The following KLF15 variants were observed in gnomAD, a reference collection of about 807,000 sequenced individuals.
The protein encoded by KLF15 is Krueppel-like factor 15.
Under a neutral mutation model 24.6 loss-of-function variants are expected in KLF15, and 4 were observed. That is an observed-to-expected ratio of 0.16 (90% CI 0.08 to 0.37). The LOEUF (loss-of-function observed/expected upper bound fraction) is 0.37, where lower values mean the gene tolerates loss of function less well. Ranked by LOEUF, KLF15 falls within the 10% of genes least tolerant of loss-of-function variation. The pLI is 1.00. For missense variants in KLF15, 496 were observed against 560.6 expected (o/e 0.88, Z 1.16); for synonymous variants, 246 against 236.3 (o/e 1.04, Z -0.37).
intron 2 of KLF15, among the ~76,000 whole-genome samples, chr3:126,347,211 A>G (rs980176531): frequency 1.3e-5 from 2 of 152,132 alleles, no homozygotes; most frequent in African/African-American, 4.8e-5. Context: ...TCCTTGAGAC[A>G]CTAACCCTCA....
At chr3:126,327,099 T>A in the KLF15 span, among the ~76,000 whole-genome samples, 2 of 152,114 alleles carry the variant, frequency 1.3e-5, no homozygotes, top group African/African-American at 4.8e-5. Context: ...GCCTTGCCGG[T>A]CCTAGGACAT....
the KLF15 span, among the ~76,000 whole-genome samples, chr3:126,300,240 C>G: frequency 6.6e-6 from 1 of 152,150 alleles, no homozygotes; most frequent in African/African-American, 2.4e-5. Flanking sequence ...AGGAACGAGG[C>G]CATCCGACCC....
chr3:126,307,373 C>G, the KLF15 span, among the ~76,000 whole-genome samples: 1 of 152,214 alleles, frequency 6.6e-6, no homozygotes, highest in Non-Finnish European at 1.5e-5. Context: ...GGGAGGCGGA[C>G]TGGGGACTCA....
At chr3:126,307,536 G>T in the KLF15 span, among the ~76,000 whole-genome samples, 1 of 152,160 alleles carries the variant, frequency 6.6e-6, no homozygotes, top group African/African-American at 2.4e-5. Context: ...GGGTGCTAAT[G>T]ACCCCCGACA....
chr3:126,352,463 G>C lies in KLF15; in HGVS notation c.460C>G (p.Pro154Ala). ...IEEFLEENME[P>A]GVKEVPEGNS... ...CCCTCAGGGACCTCCTTGACTCCAG[G>C]CTCCATGTTCTCCTCCAGAAACTCT... is the stretch of plus-strand genomic sequence containing the variant. Residue 154 changes from proline to alanine, a missense_variant, in exon 2 of 3, where the codon CCT (proline) becomes GCT (alanine). This residue lies in a region of KLF15 where 399 missense variants were observed against 423.1 expected (regional missense o/e 0.94). Coordinates refer to ENST00000296233, the MANE Select transcript of KLF15 (RefSeq NM_014079.4). 1.2e-6 allele frequency: 2 copies of C among 1,613,574 alleles called. No individual in the cohort carries two copies. The highest frequency in any genetic ancestry group is 2.2e-5 in the East Asian group (1 of 44,876).
chr3:126,348,110 G>C (rs1361632972), intron 2 of KLF15, among the ~76,000 whole-genome samples: 1 of 152,162 alleles, frequency 6.6e-6, no homozygotes, highest in East Asian at 1.9e-4. Flanking sequence ...ACCCAACACC[G>C]GGGTGCAGAG....
At chr3:126,292,647 G>C in the KLF15 span, among the ~76,000 whole-genome samples, 2 of 152,148 alleles carry the variant, frequency 1.3e-5, no homozygotes, top group African/African-American at 4.8e-5. Context: ...AGAGGAAGGA[G>C]GATGAGATGA....
the KLF15 span, among the ~76,000 whole-genome samples, chr3:126,309,083 G>A: frequency 6.6e-6 from 1 of 152,236 alleles, no homozygotes; most frequent in Non-Finnish European, 1.5e-5. Context: ...AGTAATGGGC[G>A]CCACTGACTG....
At chr3:126,347,066 T>C (rs2082540595) in intron 2 of KLF15, among the ~76,000 whole-genome samples, 1 of 152,158 alleles carries the variant, frequency 6.6e-6, no homozygotes, top group Non-Finnish European at 1.5e-5. Context: ...TCCTGGTGGG[T>C]CCTGCTGCAG....
At chr3:126,349,301 G>A (rs964685476) in intron 2 of KLF15, among the ~76,000 whole-genome samples, 1 of 152,142 alleles carries the variant, frequency 6.6e-6, no homozygotes, top group East Asian at 1.9e-4. Flanking sequence ...AGGGGACCTT[G>A]GGGGAAGCTG....
In KLF15 at chr3:126,343,616, G is replaced by T; in HGVS notation, c.*111C>A. 1 of 1,092,586 alleles carries T rather than the reference G, an allele frequency of 9.2e-7. No individual in the cohort carries two copies. The highest frequency in any genetic ancestry group is 1.3e-6 in the Non-Finnish European group (1 of 753,038). 67.7% of individuals were successfully genotyped at this position (1,092,586 alleles called of 1,614,324 possible). A position where few individuals can be genotyped will look rare whatever the true frequency, so the allele number is the denominator to read the frequency against. ...CACACCTCCCAGGCTTCAGAAGGTG[G>T]GCTGGTAACATTGCCATGTCCCTCT... On this transcript the variant is annotated 3_prime_UTR_variant, in exon 3 of 3. Transcript: ENST00000296233.
chr3:126,343,751 G>C lies in KLF15; in HGVS notation c.1227C>G (p.Ser409Arg), dbSNP rs2082504595. Reference protein sequence around the residue: ...HIKVHRFPRSSRSVRSVN With the variant: ...HIKVHRFPRSRRSVRSVN ...TTCAGTTCACGGAGCGCACGGAGCGGCTGCTCCGCGGGAAGCGGTGCACCT... is the reference window on the plus strand; with the variant it reads ...TTCAGTTCACGGAGCGCACGGAGCGCCTGCTCCGCGGGAAGCGGTGCACCT... Residue 409 changes from serine to arginine, a missense_variant, in exon 3 of 3, where the codon AGC (serine) becomes AGG (arginine). This residue lies in a region of KLF15 where 38 missense variants were observed against 31.5 expected (regional missense o/e 1.21). Coordinates refer to ENST00000296233, the MANE Select transcript of KLF15 (RefSeq NM_014079.4). 7 of 1,611,650 alleles carry C rather than the reference G, an allele frequency of 4.3e-6. No individual in the cohort carries two copies. Among genetic ancestry groups the C allele is most frequent in the South Asian group, 2.2e-5 (2 of 90,946 alleles).
At chr3:126,296,453 C>G in the KLF15 span, among the ~76,000 whole-genome samples, 1 of 152,238 alleles carries the variant, frequency 6.6e-6, no homozygotes, top group Admixed American at 6.5e-5. Flanking sequence ...GTGATCCACC[C>G]GCCTTGGCCT....
chr3:126,328,297 A>G, the KLF15 span, among the ~76,000 whole-genome samples: 1 of 152,188 alleles, frequency 6.6e-6, no homozygotes. Context: ...TCCATCATAT[A>G]TATATATACC....
intron 2 of KLF15, among the ~76,000 whole-genome samples, chr3:126,347,462 C>T (rs1303200384): frequency 6.6e-6 from 1 of 152,208 alleles, no homozygotes; most frequent in African/African-American, 2.4e-5. Context: ...GCCTGGAACT[C>T]CCCTTCTCTG....
chr3:126,301,189 T>C, the KLF15 span, among the ~76,000 whole-genome samples: 1 of 152,160 alleles, frequency 6.6e-6, no homozygotes. Flanking sequence ...CCATGCAGGG[T>C]TTCAGTCCTC....
chr3:126,334,135 C>A, the KLF15 span, among the ~76,000 whole-genome samples: 1 of 152,034 alleles, frequency 6.6e-6, no homozygotes, highest in South Asian at 2.1e-4. Context: ...TTCAGCACCA[C>A]ACCACACCTA....
At chr3:126,316,438 C>CCGAG in the KLF15 span, among the ~76,000 whole-genome samples, 1 of 138,418 alleles carries the variant, frequency 7.2e-6, no homozygotes. Context: ...GTGCATGGGC[C>CCGAG]TGAGTGGGGA....
the KLF15 span, among the ~76,000 whole-genome samples, chr3:126,314,192 G>A: frequency 2.0e-5 from 3 of 152,080 alleles, no homozygotes; most frequent in African/African-American, 7.2e-5. Context: ...TTCCTCATGG[G>A]GGCTGGGGTG....
Sources: gnomAD v4.1 joint callset for allele counts (sites outside exome capture counted in the v4.1 genomes callset) on GRCh38, gnomAD v4.1.1 for gene constraint, gnomAD v4.1.1 regional missense constraint, MANE v1.5 for transcripts, NCBI Gene and HGNC (gene_info 2026-07-23, HGNC 2026-07-21) for gene names.